ARHGAP44: variants seen among roughly 807,000 people sequenced by gnomAD.
ARHGAP44 encodes rho GTPase-activating protein 44.
In ARHGAP44, 43 loss-of-function variants were observed where a neutral mutation model predicts 106.8. The ratio of observed to expected loss-of-function variants is 0.40; its 90% CI spans 0.32 to 0.52. The LOEUF (loss-of-function observed/expected upper bound fraction) is 0.52. ARHGAP44 is among the 20% of genes least tolerant of loss of function. ARHGAP44 has a pLI of 0.48. For synonymous variants in ARHGAP44, 439 were observed against 410.3 expected (o/e 1.07, Z -0.85); for missense variants, 866 against 1,050.5 (o/e 0.82, Z 2.43).
chr17:12,825,893 T>C (rs2034905958), intron 1 of ARHGAP44, among the ~76,000 whole-genome samples: 1 of 152,176 alleles, frequency 6.6e-6, no homozygotes, highest in Non-Finnish European at 1.5e-5. Context: ...TTGTATGGAT[T>C]TGAGAGCGTT....
rs371926768 is a variant in ARHGAP44 at position 12,990,455 on chromosome 17, A to AGC, written c.*284_*285insGC. On this transcript the variant is annotated 3_prime_UTR_variant, in exon 21 of 21. Transcript: ENST00000379672. The stretch of plus-strand genomic sequence containing the variant: ...ATCCACTTTCAGCCTCCATGCCAGA[A>AGC]AACACCCACCTCTCCATCCAAGGCT... The AGC allele has an allele frequency of 0.12, 43,277 of 359,574 alleles. 3,048 individuals are homozygous for AGC. Among genetic ancestry groups the AGC allele is most frequent in the Middle Eastern group, 0.22 (241 of 1,116 alleles). The allele number at this position is 359,574 out of a possible 1,614,324, so 22.3% of individuals were successfully genotyped here. A position where few individuals can be genotyped will look rare whatever the true frequency, so the allele number is the denominator to read the frequency against.
At chr17:12,967,109 T>G (rs1165695960) in intron 16 of ARHGAP44, among the ~76,000 whole-genome samples, 3 of 117,284 alleles carry the variant, frequency 2.6e-5, no homozygotes, top group African/African-American at 1.3e-4. Context: ...TCATTTTTTT[T>G]TTTTTGTTTT....
intron 3 of ARHGAP44, among the ~76,000 whole-genome samples, chr17:12,908,191 C>CTTT (rs1228178926): frequency 2.7e-3 from 258 of 95,540 alleles, no homozygotes; most frequent in Non-Finnish European, 3.4e-3. Flanking sequence ...TGCCTCATTT[C>CTTT]TTTTTTTTTT....
intron 6 of ARHGAP44, among the ~76,000 whole-genome samples, chr17:12,923,593 C>T (rs746872790): frequency 6.6e-6 from 1 of 152,150 alleles, no homozygotes; most frequent in Admixed American, 6.5e-5. Context: ...CTTTGGTAAC[C>T]GTGGCGGGAG....
At chr17:12,881,130 CTTTCTT>C (rs2036725875) in intron 1 of ARHGAP44, among the ~76,000 whole-genome samples, 1 of 150,312 alleles carries the variant, frequency 6.7e-6, no homozygotes, top group Non-Finnish European at 1.5e-5. Flanking sequence ...TTTCTAGTGT[CTTTCTT>C]TTTATTGTTT....
At chr17:12,839,665 T>A (rs60815736) in intron 1 of ARHGAP44, among the ~76,000 whole-genome samples, 6 of 152,292 alleles carry the variant, frequency 3.9e-5, no homozygotes, top group African/African-American at 1.2e-4. Flanking sequence ...ATTTCACCAA[T>A]GACCCTAGGC....
intron 1 of ARHGAP44, among the ~76,000 whole-genome samples, chr17:12,794,094 C>T (rs1294988791): frequency 6.6e-6 from 1 of 152,144 alleles, no homozygotes; most frequent in Non-Finnish European, 1.5e-5. Context: ...TTGATGGCAG[C>T]ATTTTTCTTT....
Position 12,910,800 on chromosome 17 carries a change from G to A in ARHGAP44, c.275+1827G>A, listed in dbSNP as rs967747124. Among the ~76,000 whole-genome samples, 78 of 152,056 alleles carry A rather than the reference G, an allele frequency of 5.1e-4. 1 individual carries two copies. Among genetic ancestry groups the A allele is most frequent in the African/African-American group, 1.4e-3 (59 of 41,486 alleles). ...CAAGACAAAAGAGAAGGACTTTTACGTTTCTGTGGTGGCAGAATCAGTATT... is the reference window on the plus strand; with the variant it reads ...CAAGACAAAAGAGAAGGACTTTTACATTTCTGTGGTGGCAGAATCAGTATT... On this transcript the variant is annotated intron_variant, in intron 4 of 20. Coordinates refer to ENST00000379672, the MANE Select transcript of ARHGAP44 (RefSeq NM_014859.6).
intron 18 of ARHGAP44, 85 bp from the exon 19 acceptor site, chr17:12,979,973 A>T: frequency 7.2e-7 from 1 of 1,385,894 alleles, no homozygotes; most frequent in Admixed American, 2.5e-5. Context: ...GCCCAGAAGG[A>T]CACACAGGGT....
chr17:12,958,774 C>A lies in ARHGAP44; in HGVS notation c.1400C>A (p.Ala467Asp). ...YGSPVHVNHN[A>D]NYSSMPSPDM... ...AGTCCAGTACACGTGAACCATAATG[C>A]CAACTACAGCTCAATGCCCTCCCCA... is the stretch of plus-strand genomic sequence containing the variant. Residue 467 changes from alanine to aspartate, a missense_variant, in exon 16 of 21, where the codon GCC (alanine) becomes GAC (aspartate). Physicochemically the swap from Ala to Asp is moderately radical, Grantham distance 126. Coordinates refer to ENST00000379672, the MANE Select transcript of ARHGAP44 (RefSeq NM_014859.6). The surrounding 1 kb of genome is among the most constrained non-coding windows in gnomAD (Gnocchi z 4.1). 6.2e-7 allele frequency: 1 copy of A among 1,613,788 alleles called. No homozygotes were observed. The highest frequency in any genetic ancestry group is 8.5e-7 in the Non-Finnish European group (1 of 1,179,816).
rs1231071615 is a variant in ARHGAP44, at chr17:12,789,517, CCGGGTCCCCG to C, written c.-319_-310del. 1 of 185,108 alleles carries C rather than the reference CCGGGTCCCCG, an allele frequency of 5.4e-6. No individual in the cohort carries two copies. The highest frequency in any genetic ancestry group is 1.1e-5 in the Non-Finnish European group (1 of 89,828). 11.5% of individuals were successfully genotyped at this position (185,108 alleles called of 1,614,324 possible). On this transcript the variant is annotated 5_prime_UTR_variant, in exon 1 of 21. Coordinates refer to ENST00000379672, the MANE Select transcript of ARHGAP44 (RefSeq NM_014859.6). ...CCGGCCAGCCAGCCTGCGGAGACTC[CCGGGTCCCCG>C]CGCCGGACTGGGACTGGGAGCAGGC...
intron 4 of ARHGAP44, among the ~76,000 whole-genome samples, chr17:12,914,296 T>C (rs1021659539): frequency 2.0e-5 from 3 of 152,168 alleles, no homozygotes; most frequent in Non-Finnish European, 2.9e-5. Flanking sequence ...GGCAAGGGCA[T>C]AGGGCAATGG....
chr17:12,956,875 ACACAC>A, intron 15 of ARHGAP44, 129 bp downstream of exon 15: 2 of 653,050 alleles, frequency 3.1e-6, no homozygotes, highest in Non-Finnish European at 5.4e-6. Context: ...AAACACACAC[ACACAC>A]ACACACACGC....
At chr17:12,909,000 G>A (rs1489035397) in intron 4 of ARHGAP44, 27 bp downstream of exon 4, 8 of 1,558,942 alleles carry the variant, frequency 5.1e-6, no homozygotes, top group Non-Finnish European at 6.9e-6. Flanking sequence ...CGTGAGTTTG[G>A]TGCCAAATCT....
chr17:12,909,465 T>G (rs2037657683), intron 4 of ARHGAP44, among the ~76,000 whole-genome samples: 1 of 152,072 alleles, frequency 6.6e-6, no homozygotes, highest in Admixed American at 6.6e-5. Context: ...AACAGAATCC[T>G]TGACAAGAGA....
At chr17:12,851,876 G>GAAAGGAGGC (rs2035753781) in intron 1 of ARHGAP44, among the ~76,000 whole-genome samples, 1 of 152,014 alleles carries the variant, frequency 6.6e-6, no homozygotes, top group Non-Finnish European at 1.5e-5. Flanking sequence ...CATCTGAGTC[G>GAAAGGAGGC]AAAGGAGGCC....
At chr17:12,868,010 A>T (rs2036283169) in intron 1 of ARHGAP44, among the ~76,000 whole-genome samples, 1 of 152,182 alleles carries the variant, frequency 6.6e-6, no homozygotes, top group Admixed American at 6.5e-5. Context: ...TGACAAAGAG[A>T]CGGTGGATGA....
chr17:12,819,800 A>G (rs1027631300), intron 1 of ARHGAP44, among the ~76,000 whole-genome samples: 1 of 151,980 alleles, frequency 6.6e-6, no homozygotes, highest in Non-Finnish European at 1.5e-5. Flanking sequence ...GGAGTTCTTT[A>G]TCTATTTTGC....
At chr17:12,920,897 C>T (rs903810634) in intron 6 of ARHGAP44, among the ~76,000 whole-genome samples, 3 of 152,128 alleles carry the variant, frequency 2.0e-5, no homozygotes, top group Non-Finnish European at 2.9e-5. Flanking sequence ...ACAGCATTGC[C>T]TGTGGCTGTC....
Sources: allele counts gnomAD v4.1 joint callset (sites outside exome capture counted in the v4.1 genomes callset), GRCh38; gene constraint gnomAD v4.1.1; non-coding constraint Gnocchi (gnomAD v3.1); transcripts MANE v1.5; gene names NCBI Gene and HGNC (gene_info 2026-07-23, HGNC 2026-07-21).